GPR39: variants seen among roughly 807,000 people sequenced by gnomAD.
GPR39 encodes the protein zinc sensing receptor.
Under a neutral mutation model 18.4 loss-of-function variants are expected in GPR39, and 23 were observed. The observed-to-expected ratio is 1.25, with a 90% CI of 0.90 to 1.77. The LOEUF (loss-of-function observed/expected upper bound fraction) is 1.77. Among genes scored for constraint, GPR39 ranks in the 40% most tolerant of loss-of-function variants. GPR39 has a pLI of 0.00. For synonymous variants in GPR39, 280 were observed against 257.9 expected, an observed-to-expected ratio of 1.09 and a Z score of -0.82; for missense variants, 647 against 602.4, an observed-to-expected ratio of 1.07 and a Z score of -0.78.
intron 1 of GPR39, among the ~76,000 whole-genome samples, chr2:132,497,930 A>G (rs909054673): frequency 3.3e-5 from 5 of 152,198 alleles, no homozygotes; most frequent in Non-Finnish European, 7.3e-5. Context: ...AATGTATGGA[A>G]AAACAACCTG....
chr2:132,448,614 T>A (rs1680580198), intron 1 of GPR39, among the ~76,000 whole-genome samples: 1 of 152,208 alleles, frequency 6.6e-6, no homozygotes, highest in Non-Finnish European at 1.5e-5. Context: ...GTTCCCTTGT[T>A]TCTGTGTCAC....
intron 1 of GPR39, among the ~76,000 whole-genome samples, chr2:132,467,334 T>C (rs1366947788): frequency 6.6e-6 from 1 of 152,180 alleles, no homozygotes; most frequent in Non-Finnish European, 1.5e-5. Context: ...CTGCATGTTC[T>C]CGCTTATAAG....
At chr2:132,529,612 C>T (rs1052700857) in intron 1 of GPR39, among the ~76,000 whole-genome samples, 5 of 152,212 alleles carry the variant, frequency 3.3e-5, no homozygotes, top group East Asian at 1.9e-4. Flanking sequence ...CCAGTAGGGG[C>T]GGACTGACAC....
intron 1 of GPR39, among the ~76,000 whole-genome samples, chr2:132,426,660 C>A (rs1680122732): frequency 6.6e-6 from 1 of 152,190 alleles, no homozygotes; most frequent in South Asian, 2.1e-4. Flanking sequence ...ATTTTAGAGC[C>A]TTTCCCGATT....
At chr2:132,533,551 G>A (rs148145432) in intron 1 of GPR39, among the ~76,000 whole-genome samples, 9 of 150,378 alleles carry the variant, frequency 6.0e-5, no homozygotes, top group African/African-American at 1.2e-4. Flanking sequence ...AATCCTAAGC[G>A]AAAAGAACAA....
At chr2:132,624,108 T>A (rs1681498019) in intron 1 of GPR39, among the ~76,000 whole-genome samples, 3 of 152,184 alleles carry the variant, frequency 2.0e-5, no homozygotes, top group African/African-American at 7.2e-5. Flanking sequence ...AGACATATAT[T>A]GTCTCACAAT....
At chr2:132,446,037 G>C (rs531830690) in intron 1 of GPR39, among the ~76,000 whole-genome samples, 3 of 152,146 alleles carry the variant, frequency 2.0e-5, no homozygotes, top group South Asian at 4.1e-4. Flanking sequence ...GCAGAGATGT[G>C]ACTCCTCAGA....
intron 1 of GPR39, among the ~76,000 whole-genome samples, chr2:132,559,654 C>T (rs181294721): frequency 2.6e-5 from 4 of 151,990 alleles, no homozygotes; most frequent in Non-Finnish European, 4.4e-5. Context: ...AAAGAGGAGT[C>T]GAATTGGCTA....
At chr2:132,422,125 C>T (rs1052287676) in intron 1 of GPR39, among the ~76,000 whole-genome samples, 1 of 152,102 alleles carries the variant, frequency 6.6e-6, no homozygotes, top group African/African-American at 2.4e-5. Flanking sequence ...CATCTGATAA[C>T]CTTTGTGTTT....
chr2:132,518,365 A>G (rs1573642529), intron 1 of GPR39, among the ~76,000 whole-genome samples: 4 of 152,244 alleles, frequency 2.6e-5, no homozygotes, highest in Admixed American at 1.3e-4. Context: ...GCTCACAGCT[A>G]CTAATGAGCA....
At chr2:132,440,143 C>CT (rs1680407727) in intron 1 of GPR39, among the ~76,000 whole-genome samples, 1 of 152,164 alleles carries the variant, frequency 6.6e-6, no homozygotes, top group South Asian at 2.1e-4. Context: ...TCCCCCTGTG[C>CT]TGATGGTAGG....
intron 1 of GPR39, among the ~76,000 whole-genome samples, chr2:132,437,254 C>T (rs534276497): frequency 2.0e-5 from 3 of 152,326 alleles, no homozygotes; most frequent in East Asian, 3.9e-4. Context: ...ATGTGAAGTG[C>T]ATTTTGATCT....
chr2:132,625,235 C>T (rs1371908058), intron 1 of GPR39, among the ~76,000 whole-genome samples: 1 of 152,176 alleles, frequency 6.6e-6, no homozygotes, highest in Admixed American at 6.5e-5. Flanking sequence ...GTGATGACTC[C>T]TGATGAGGGA....
At chr2:132,422,890 G>A (rs1208686824) in intron 1 of GPR39, among the ~76,000 whole-genome samples, 1 of 152,002 alleles carries the variant, frequency 6.6e-6, no homozygotes, top group Non-Finnish European at 1.5e-5. Context: ...TAGCAAGCCT[G>A]TTCATCTGTC....
intron 1 of GPR39, among the ~76,000 whole-genome samples, chr2:132,466,328 AAGAG>A (rs369575992): frequency 2.0e-4 from 30 of 152,270 alleles, no homozygotes; most frequent in African/African-American, 7.0e-4. Context: ...TTTAAAAAGA[AAGAG>A]AGAAAGATAA....
intron 1 of GPR39, among the ~76,000 whole-genome samples, chr2:132,482,010 A>G (rs568042100): frequency 6.6e-6 from 1 of 152,308 alleles, no homozygotes; most frequent in South Asian, 2.1e-4. Flanking sequence ...ATCTCTGTAG[A>G]CTGGACCATC....
intron 1 of GPR39, among the ~76,000 whole-genome samples, chr2:132,568,570 G>A (rs993628062): frequency 1.3e-5 from 2 of 151,976 alleles, no homozygotes; most frequent in African/African-American, 2.4e-5. Context: ...GCCAGCCTTG[G>A]TGGTGGGCAC....
Position 132,646,012 on chromosome 2 carries a change from A to AACT in GPR39, c.*406_*407insACT. The AACT allele has an allele frequency of 6.8e-7, 1 of 1,470,004 alleles. No individual in the cohort carries two copies. The allele number at this position is 1,470,004 out of a possible 1,614,324, so 91.1% of individuals were successfully genotyped here. A position where few individuals can be genotyped will look rare whatever the true frequency, so the allele number is the denominator to read the frequency against. On this transcript the variant is annotated 3_prime_UTR_variant, in exon 2 of 2. Coordinates refer to ENST00000329321, the MANE Select transcript of GPR39 (RefSeq NM_001508.3). ...GGGGTTGGGGGCGAGGGCTGGAAGA[A>AACT]CAATGCAGGAGGGGGTGGCATCTCC...
intron 1 of GPR39, chr2:132,604,609 C>T (rs1254270263): frequency 6.6e-6 from 1 of 152,146 alleles, no homozygotes; most frequent in Non-Finnish European, 1.5e-5. Flanking sequence ...AAACAACTAA[C>T]CATAAAGCAG....
Sources: gnomAD v4.1 joint callset for allele counts (sites outside exome capture counted in the v4.1 genomes callset) on GRCh38, gnomAD v4.1.1 for gene constraint, MANE v1.5 for transcripts, NCBI Gene and HGNC (gene_info 2026-07-23, HGNC 2026-07-21) for gene names.